The following F8 variants were observed in gnomAD, a reference collection of about 807,000 sequenced individuals.
F8 encodes coagulation factor VIII.
In F8, 12 loss-of-function variants were observed where a neutral mutation model predicts 140.6. That is an observed-to-expected ratio of 0.09 (90% confidence interval 0.05 to 0.14). The LOEUF is 0.14. Ranked by LOEUF, F8 falls within the 10% of genes least tolerant of loss-of-function variation. F8 has a pLI of 1.00. For missense variants in F8, 1,354 were observed against 1,720.7 expected (o/e 0.79, Z 3.77); for synonymous variants, 585 against 614.6 (o/e 0.95, Z 0.71).
At chrX:155,019,799 A>C (rs2073751094) in intron 1 of F8, among the ~76,000 whole-genome samples, 1 of 111,126 alleles carries the variant, frequency 9.0e-6, no homozygotes, top group Non-Finnish European at 1.9e-5. Flanking sequence ...CAGGCTCAAA[A>C]GAAAAAGCTG....
At chrX:155,020,504 A>C (rs1484621473) in intron 1 of F8, among the ~76,000 whole-genome samples, 1 of 112,573 alleles carries the variant, frequency 8.9e-6, no homozygotes, top group Non-Finnish European at 1.9e-5. Context: ...ATATGAAAGA[A>C]AAGATATCTC....
At chrX:154,963,257 T>A (rs376836583) in intron 9 of F8, among the ~76,000 whole-genome samples, 34 of 112,046 alleles carry the variant, frequency 3.0e-4, no homozygotes, top group African/African-American at 9.7e-4. Context: ...TGTATAAGAA[T>A]GTTTGTGATT....
chrX:154,860,824 G>A (rs898844194), intron 24 of F8, among the ~76,000 whole-genome samples: 1 of 110,916 alleles, frequency 9.0e-6, no homozygotes, highest in Non-Finnish European at 1.9e-5. Context: ...TCAGCTTCCC[G>A]AGTAGCTGTG....
At chrX:155,003,109 A>G (rs1603436911) in intron 1 of F8, among the ~76,000 whole-genome samples, 2 of 112,402 alleles carry the variant, frequency 1.8e-5, no homozygotes, top group East Asian at 5.5e-4. Flanking sequence ...AGCAAGCATC[A>G]GAATCAGAGT....
intron 13 of F8, among the ~76,000 whole-genome samples, chrX:154,945,337 T>C (rs1228838788): frequency 9.0e-6 from 1 of 111,246 alleles, no homozygotes; most frequent in Non-Finnish European, 1.9e-5. Context: ...CTGATGAACA[T>C]TGATGCAAAA....
chrX:155,013,110 C>T (rs1214586740), intron 1 of F8, among the ~76,000 whole-genome samples: 5 of 93,997 alleles, frequency 5.3e-5, no homozygotes, highest in Admixed American at 3.8e-4. Context: ...CGCACCACTG[C>T]ACTCCAGCCT....
At chrX:155,002,021 G>A (rs1431001513) in intron 1 of F8, among the ~76,000 whole-genome samples, 1 of 112,380 alleles carries the variant, frequency 8.9e-6, no homozygotes, top group African/African-American at 3.2e-5. Flanking sequence ...CCAGTCTCTG[G>A]CATCCACCAT....
chrX:154,956,518 G>A (rs1179716341), intron 11 of F8, among the ~76,000 whole-genome samples: 2 of 112,075 alleles, frequency 1.8e-5, no homozygotes, highest in African/African-American at 6.5e-5. Context: ...CACAATTTAT[G>A]TTCTTCTGCC....
At chrX:154,854,441 C>T (rs1432475688) in intron 25 of F8, among the ~76,000 whole-genome samples, 3 of 111,786 alleles carry the variant, frequency 2.7e-5, no homozygotes, top group Admixed American at 9.5e-5. Context: ...CCTTTGGGCT[C>T]GAACTAAAAC....
At chrX:154,914,220 C>T (rs1361375242) in intron 14 of F8, among the ~76,000 whole-genome samples, 1 of 112,886 alleles carries the variant, frequency 8.9e-6, no homozygotes, top group Non-Finnish European at 1.9e-5. Flanking sequence ...AGGCTGAACA[C>T]TGCAGGGGAG....
chrX:154,948,810 T>C (rs1283146164), intron 12 of F8, among the ~76,000 whole-genome samples: 1 of 111,974 alleles, frequency 8.9e-6, no homozygotes, highest in African/African-American at 3.2e-5. Context: ...TACTTAGACA[T>C]TGGCTTAGTA....
At chrX:154,863,490 A>G (rs1364760136) in intron 22 of F8, among the ~76,000 whole-genome samples, 1 of 111,583 alleles carries the variant, frequency 9.0e-6, no homozygotes, top group Non-Finnish European at 1.9e-5. Flanking sequence ...AAGGCTCATA[A>G]AAGTTGAGGA....
Position 154,866,350 on chromosome X carries a change from C to T in F8, c.6430-3123G>A, listed in dbSNP as rs1383661044. ...TGAATAGATCATCCCAACAGAAAATCAATAAGGACAAAACAGAACTGAAGA... is the reference window on the plus strand; with the variant it reads ...TGAATAGATCATCCCAACAGAAAATTAATAAGGACAAAACAGAACTGAAGA... On this transcript the variant is annotated intron_variant, in intron 22 of 25. Transcript: ENST00000360256. Among the ~76,000 whole-genome samples the T allele has an allele frequency of 4.5e-5, 5 of 111,573 alleles. No individual in the cohort carries two copies. The South Asian group carries it at 1.1e-3, about 25-fold the overall frequency.
rs782053227 is a variant in F8, at chrX:154,844,309, T to C, written c.6901-6557A>G. On this transcript the variant is annotated intron_variant, in intron 25 of 25. Coordinates refer to ENST00000360256, the MANE Select transcript of F8 (RefSeq NM_000132.4). ...GGTTCCAAATGAACTTTAAAATAGT[T>C]TTTTAGAATTCTGTAAAGAAAGTCA... Among the ~76,000 whole-genome samples the C allele has an allele frequency of 1.1e-4, 12 of 112,070 alleles. 1 individual carries two copies. In the South Asian group the frequency reaches 4.1e-3, roughly 38 times the overall value.
At chrX:154,858,335 G>A (rs2072664872) in intron 25 of F8, among the ~76,000 whole-genome samples, 1 of 112,313 alleles carries the variant, frequency 8.9e-6, no homozygotes. Context: ...TGCCCAATCT[G>A]CCAGCAGTAG....
At chrX:154,870,576 G>A (rs113907395) in intron 22 of F8, among the ~76,000 whole-genome samples, 2 of 111,125 alleles carry the variant, frequency 1.8e-5, no homozygotes, top group African/African-American at 3.3e-5. Context: ...TATGACAAAC[G>A]CACAGCCAAT....
chrX:154,903,103 G>C (rs782627488), intron 18 of F8, among the ~76,000 whole-genome samples: 2 of 111,965 alleles, frequency 1.8e-5, no homozygotes, highest in East Asian at 5.6e-4. Flanking sequence ...ACTTAAGGGT[G>C]AGCAGAAAAG....
intron 9 of F8, among the ~76,000 whole-genome samples, chrX:154,962,868 CAA>C (rs1491556553): frequency 1.7e-4 from 17 of 101,558 alleles, no homozygotes; most frequent in Admixed American, 1.5e-3. Flanking sequence ...GACCCTATCT[CAA>C]GAGAGAGAGA....
chrX:154,969,497 G>A lies in F8; in HGVS notation c.843C>T (p.Thr281=). The change falls in exon 7 of 26, where the codon ACC becomes ACT. Residue 281 remains threonine, a synonymous_variant. Coordinates refer to ENST00000360256, the MANE Select transcript of F8 (RefSeq NM_000132.4). ...GGAATATTGAGTGCACTTCAGGAGT[G>A]GTGCCCATTCCAATCACATGCCAAT... ...SVYWHVIGMG[T]TPEVHSIFLE... 2 of 1,211,448 alleles carry A rather than the reference G, an allele frequency of 1.7e-6. No homozygotes were observed. The highest frequency in any genetic ancestry group is 2.2e-6 in the Non-Finnish European group (2 of 895,311).
Sources: allele counts gnomAD v4.1 joint callset (sites outside exome capture counted in the v4.1 genomes callset), GRCh38; gene constraint gnomAD v4.1.1; transcripts MANE v1.5; gene names NCBI Gene and HGNC (gene_info 2026-07-23, HGNC 2026-07-21).